Variants in TDRD3 observed in about 807,000 individuals in gnomAD.
TDRD3 encodes the protein tudor domain-containing protein 3.
A neutral mutation model predicts 86.7 loss-of-function variants in TDRD3; 45 were observed. That is an observed-to-expected ratio of 0.52 (90% CI 0.41 to 0.67). TDRD3 has a LOEUF of 0.67. TDRD3 is among the 30% of genes least tolerant of loss of function. TDRD3 has a pLI of 0.00. For synonymous variants in TDRD3, 298 were observed against 301.7 expected (o/e 0.99, Z 0.13); for missense variants, 814 against 889.0 (o/e 0.92, Z 1.07).
At chr13:60,527,676 T>C (rs919937689) in intron 10 of TDRD3, among the ~76,000 whole-genome samples, 1 of 152,214 alleles carries the variant, frequency 6.6e-6, no homozygotes, top group African/African-American at 2.4e-5. Context: ...TCTTGGACAT[T>C]ATAGGCAGTA....
upstream of TDRD3, among the ~76,000 whole-genome samples, chr13:60,396,239 G>A (rs566888820): frequency 1.4e-3 from 211 of 152,328 alleles, 1 homozygote; most frequent in Non-Finnish European, 2.1e-3. Flanking sequence ...CCTGGCAGAT[G>A]GGGACGCTGC....
At chr13:60,531,819 T>A (rs537676652) in intron 11 of TDRD3, among the ~76,000 whole-genome samples, 2 of 152,138 alleles carry the variant, frequency 1.3e-5, no homozygotes, top group Non-Finnish European at 2.9e-5. Flanking sequence ...TAAAAAGTTA[T>A]GAGCCATAGT....
chr13:60,405,161 G>T (rs999976568), intron 1 of TDRD3, among the ~76,000 whole-genome samples: 2 of 152,136 alleles, frequency 1.3e-5, no homozygotes, highest in Admixed American at 1.3e-4. Flanking sequence ...TAGAGACAGG[G>T]TTTCACCATG....
At chr13:60,409,367 C>T (rs2137821289) in intron 1 of TDRD3, among the ~76,000 whole-genome samples, 1 of 152,310 alleles carries the variant, frequency 6.6e-6, no homozygotes, top group South Asian at 2.1e-4. Context: ...GTCCTCCAGA[C>T]TTCAGAATGG....
chr13:60,562,122 C>G (rs1958348095), intron 12 of TDRD3, among the ~76,000 whole-genome samples: 1 of 151,904 alleles, frequency 6.6e-6, no homozygotes, highest in East Asian at 1.9e-4. Context: ...ACCAGCCTGG[C>G]TAACATGGTG....
intron 1 of TDRD3, among the ~76,000 whole-genome samples, chr13:60,414,216 A>G (rs992428082): frequency 9.9e-5 from 15 of 152,100 alleles, no homozygotes; most frequent in Admixed American, 6.6e-4. Flanking sequence ...GGACATGTCT[A>G]TTACATCTAG....
At chr13:60,547,347 G>A in intron 12 of TDRD3, 1 of 985,344 alleles carries the variant, frequency 1.0e-6, no homozygotes, top group African/African-American at 1.7e-5. Flanking sequence ...GAGAAGGGGA[G>A]TGGGCAAGGC....
chr13:60,461,729 G>A (rs371599544), intron 4 of TDRD3, among the ~76,000 whole-genome samples: 1 of 152,116 alleles, frequency 6.6e-6, no homozygotes, highest in Non-Finnish European at 1.5e-5. Context: ...AAGTAGGCAC[G>A]TAGGCATACA....
intron 10 of TDRD3, among the ~76,000 whole-genome samples, chr13:60,522,469 A>G (rs542272487): frequency 2.6e-5 from 4 of 152,338 alleles, no homozygotes; most frequent in African/African-American, 9.6e-5. Context: ...GGTGCTTATT[A>G]AAGCCAGATA....
intron 7 of TDRD3, among the ~76,000 whole-genome samples, chr13:60,490,978 G>A (rs1018317257): frequency 2.0e-5 from 3 of 152,022 alleles, no homozygotes; most frequent in Admixed American, 1.3e-4. Context: ...TTAGCTGGGC[G>A]TGGTGGCGCA....
At chr13:60,525,109 A>AAAAAC (rs1957389459) in intron 10 of TDRD3, among the ~76,000 whole-genome samples, 1 of 131,066 alleles carries the variant, frequency 7.6e-6, no homozygotes, top group South Asian at 2.5e-4. Context: ...AAAAAAAAAA[A>AAAAAC]CCCCACAATT....
At chr13:60,494,198 C>T (rs1956663602) in intron 7 of TDRD3, among the ~76,000 whole-genome samples, 2 of 152,080 alleles carry the variant, frequency 1.3e-5, no homozygotes, top group Non-Finnish European at 2.9e-5. Flanking sequence ...TCATGACTTC[C>T]CTTTTATTCA....
At position 60,528,246 on chromosome 13, in the gene TDRD3, T is replaced by C. The variant is rs1595073241; in HGVS notation, c.1142-121T>C. Reference sequence around the variant, plus strand: ...GGAGTAAGATAATGAGGTAGGAAGATGGAAGAAGATTTTAGAATAGTAGTT... The same window carrying C: ...GGAGTAAGATAATGAGGTAGGAAGACGGAAGAAGATTTTAGAATAGTAGTT... On this transcript the variant is annotated intron_variant, in intron 10 of 13. Transcript: ENST00000377881. 2.6e-6 allele frequency: 3 copies of C among 1,133,852 alleles called. 1 individual carries two copies. The highest frequency in any genetic ancestry group is 4.3e-5 in the South Asian group (2 of 46,224). 70.2% of individuals were successfully genotyped at this position (1,133,852 alleles called of 1,614,324 possible).
chr13:60,483,934 C>A, intron 6 of TDRD3, 88 bp downstream of exon 6: 2 of 1,278,646 alleles, frequency 1.6e-6, no homozygotes, highest in Non-Finnish European at 2.2e-6. Context: ...ATGTGCTGAA[C>A]TATTAAGAGG....
intron 10 of TDRD3, among the ~76,000 whole-genome samples, chr13:60,517,378 A>C (rs1177522100): frequency 6.6e-6 from 1 of 152,174 alleles, no homozygotes; most frequent in Non-Finnish European, 1.5e-5. Flanking sequence ...TGTTATTGTG[A>C]GGGATTTCCT....
intron 7 of TDRD3, among the ~76,000 whole-genome samples, chr13:60,493,769 A>G (rs985656837): frequency 5.9e-5 from 9 of 152,236 alleles, no homozygotes; most frequent in Non-Finnish European, 1.3e-4. Context: ...TTTCAAAACC[A>G]ATATTATTTA....
intron 4 of TDRD3, among the ~76,000 whole-genome samples, chr13:60,466,128 A>G (rs1955919983): frequency 6.6e-6 from 1 of 152,188 alleles, no homozygotes; most frequent in African/African-American, 2.4e-5. Flanking sequence ...AATCCTTTTA[A>G]AGTTAGTGCA....
rs563273274 is a variant in TDRD3, at chr13:60,512,810, A to C, written c.1141+2055A>C. ...CTTTGCAGGATACAGCCTCCCTCCCAGCTGCTTTAATGGGCTGGCGAGGAG... is the reference window on the plus strand; with the variant it reads ...CTTTGCAGGATACAGCCTCCCTCCCCGCTGCTTTAATGGGCTGGCGAGGAG... On this transcript the variant is annotated intron_variant, in intron 10 of 13. Transcript: ENST00000377881. Among the ~76,000 whole-genome samples, 8 of 152,298 alleles carry C rather than the reference A, an allele frequency of 5.3e-5. No homozygotes were observed. The South Asian group carries it at 1.7e-3, about 32-fold the overall frequency.
intron 13 of TDRD3, among the ~76,000 whole-genome samples, chr13:60,572,754 T>C (rs1958614606): frequency 6.6e-6 from 1 of 152,204 alleles, no homozygotes; most frequent in African/African-American, 2.4e-5. Context: ...ACTGTAAACT[T>C]ATTTTCAAAG....
Sources: allele counts gnomAD v4.1 joint callset (sites outside exome capture counted in the v4.1 genomes callset), GRCh38; gene constraint gnomAD v4.1.1; transcripts MANE v1.5; gene names NCBI Gene and HGNC (gene_info 2026-07-23, HGNC 2026-07-21).